Variants in TTC39B observed in about 807,000 individuals in gnomAD.
The protein encoded by TTC39B is tetratricopeptide repeat protein 39B.
Under a neutral mutation model 96.6 loss-of-function variants are expected in TTC39B, and 92 were observed. The ratio of observed to expected loss-of-function variants is 0.95; its 90% CI spans 0.80 to 1.13. The LOEUF is 1.13. Among genes scored for constraint, TTC39B ranks in the 50% most tolerant of loss-of-function variants. The probability of loss-of-function intolerance (pLI) is 0.00; values close to 1 mark genes in which losing one functional copy is unlikely to be tolerated. For synonymous variants in TTC39B, 367 were observed against 299.4 expected, an observed-to-expected ratio of 1.23 and a Z score of -2.33; for missense variants, 955 against 809.3, an observed-to-expected ratio of 1.18 and a Z score of -2.18.
chr9:15,276,750 G>A (rs928727091), intron 1 of TTC39B, among the ~76,000 whole-genome samples: 7 of 152,194 alleles, frequency 4.6e-5, no homozygotes, highest in African/African-American at 1.7e-4. Flanking sequence ...CCCTAGGTGA[G>A]TCCAGCCTTT....
chr9:15,208,732 C>A (rs1820019052), intron 6 of TTC39B, among the ~76,000 whole-genome samples: 1 of 152,132 alleles, frequency 6.6e-6, no homozygotes, highest in African/African-American at 2.4e-5. Context: ...TTCTGTTTGA[C>A]CATGGTTTTG....
Position 15,189,689 on chromosome 9 carries a change from A to G in TTC39B, c.1173+36T>C, listed in dbSNP as rs754874323. Reference sequence around the variant, plus strand: ...AACAGTCAACACTGGCTGATTAATTATGGTTGAAACATACACTTTGAAATA... The same window carrying G: ...AACAGTCAACACTGGCTGATTAATTGTGGTTGAAACATACACTTTGAAATA... On this transcript the variant is annotated intron_variant, in intron 12 of 19. Transcript: ENST00000512701. The G allele has an allele frequency of 1.7e-5, 28 of 1,613,958 alleles. No individual in the cohort carries two copies. The South Asian group carries it at 2.9e-4, about 16-fold the overall frequency.
intron 17 of TTC39B, among the ~76,000 whole-genome samples, chr9:15,181,008 T>C (rs968412845): frequency 5.9e-5 from 9 of 152,256 alleles, no homozygotes; most frequent in African/African-American, 2.2e-4. Context: ...AGCATGTCAT[T>C]AAGAGAAAAA....
chr9:15,238,161 G>A (rs1821874609), intron 2 of TTC39B, among the ~76,000 whole-genome samples: 2 of 152,078 alleles, frequency 1.3e-5, no homozygotes, highest in African/African-American at 2.4e-5. Flanking sequence ...AACATCATAT[G>A]GAATTGGGAA....
At chr9:15,231,206 C>A (rs1821402845) in intron 2 of TTC39B, among the ~76,000 whole-genome samples, 1 of 151,956 alleles carries the variant, frequency 6.6e-6, no homozygotes, top group South Asian at 2.1e-4. Flanking sequence ...AGAAATGGTG[C>A]CTTGCCATCT....
At chr9:15,236,012 G>C (rs763930652) in intron 2 of TTC39B, among the ~76,000 whole-genome samples, 2 of 152,024 alleles carry the variant, frequency 1.3e-5, no homozygotes, top group Non-Finnish European at 2.9e-5. Flanking sequence ...AAAAGATACG[G>C]AGTAGCAAAC....
chr9:15,306,814 G>A lies in TTC39B; in HGVS notation c.240+270C>T, dbSNP rs1358963850. 6.6e-6 allele frequency among the ~76,000 whole-genome samples: 1 copy of A among 152,170 alleles called. No homozygotes were observed. The highest frequency in any genetic ancestry group is 2.4e-5 in the African/African-American group (1 of 41,466). Reference sequence around the variant, plus strand: ...CGCCCTCACGCCCATCCAAGTGCTGGCAGGACGTGGGTCCTCCATCCCCAC... The same window carrying A: ...CGCCCTCACGCCCATCCAAGTGCTGACAGGACGTGGGTCCTCCATCCCCAC... On this transcript the variant is annotated intron_variant, in intron 1 of 19. Transcript: ENST00000512701. This position sits in a 1 kb window ranked among gnomAD's most constrained non-coding sequence, Gnocchi z 5.1.
intron 11 of TTC39B, 109 bp from the exon 12 acceptor site, chr9:15,189,901 G>T (rs1818758817): frequency 4.2e-6 from 3 of 714,404 alleles, no homozygotes; most frequent in Admixed American, 5.0e-5. Context: ...TGGAAAAGAT[G>T]AAAACTATTA....
chr9:15,302,305 G>T (rs568819648), intron 1 of TTC39B, among the ~76,000 whole-genome samples: 1 of 144,536 alleles, frequency 6.9e-6, no homozygotes, highest in Non-Finnish European at 1.5e-5. Context: ...CAGCTTGGGT[G>T]ACCAAGCAAG....
At chr9:15,249,319 A>G (rs971114588) in intron 2 of TTC39B, 1 of 152,222 alleles carries the variant, frequency 6.6e-6, no homozygotes, top group Non-Finnish European at 1.5e-5. Flanking sequence ...TACAAAGGTC[A>G]CTTTTTGGTA....
intron 9 of TTC39B, among the ~76,000 whole-genome samples, chr9:15,192,124 C>T (rs1322292192): frequency 1.3e-5 from 2 of 152,180 alleles, no homozygotes; most frequent in Non-Finnish European, 2.9e-5. Context: ...TATTTTCTCA[C>T]TAATTCCAGT....
chr9:15,200,521 C>G (rs1454400211), intron 7 of TTC39B, among the ~76,000 whole-genome samples: 1 of 152,168 alleles, frequency 6.6e-6, no homozygotes, highest in Admixed American at 6.5e-5. Context: ...TGATTGTCAT[C>G]GACCATAAAA....
At chr9:15,294,826 C>T (rs1247336288) in intron 1 of TTC39B, among the ~76,000 whole-genome samples, 2 of 152,192 alleles carry the variant, frequency 1.3e-5, no homozygotes, top group African/African-American at 2.4e-5. Context: ...CTTGACAATG[C>T]CACAAGCCAA....
chr9:15,236,331 A>C (rs989723797), intron 2 of TTC39B, among the ~76,000 whole-genome samples: 2 of 152,200 alleles, frequency 1.3e-5, no homozygotes, highest in African/African-American at 4.8e-5. Flanking sequence ...AACAAATGCT[A>C]CTAGACCTAA....
chr9:15,288,450 G>C (rs543265554), intron 1 of TTC39B, among the ~76,000 whole-genome samples: 1 of 152,134 alleles, frequency 6.6e-6, no homozygotes, highest in African/African-American at 2.4e-5. Flanking sequence ...TCTGAATGTC[G>C]TCGAGAGGAG....
intron 1 of TTC39B, among the ~76,000 whole-genome samples, chr9:15,273,112 T>G (rs796514157): frequency 2.6e-5 from 4 of 152,260 alleles, no homozygotes; most frequent in African/African-American, 9.6e-5. Flanking sequence ...AACATTTGAG[T>G]GGAAGAGCAG....
At chr9:15,271,598 G>T (rs1461831115) in intron 1 of TTC39B, among the ~76,000 whole-genome samples, 1 of 152,030 alleles carries the variant, frequency 6.6e-6, no homozygotes, top group Non-Finnish European at 1.5e-5. Context: ...TCTAACACGG[G>T]GTGGAGCTGT....
intron 2 of TTC39B, among the ~76,000 whole-genome samples, chr9:15,247,177 C>T (rs1306938904): frequency 6.6e-6 from 1 of 152,100 alleles, no homozygotes; most frequent in African/African-American, 2.4e-5. Context: ...GGATGTGTAG[C>T]TTGGATATAC....
At chr9:15,237,539 G>C (rs1023443056) in intron 2 of TTC39B, among the ~76,000 whole-genome samples, 1 of 151,614 alleles carries the variant, frequency 6.6e-6, no homozygotes, top group Admixed American at 6.6e-5. Context: ...TAGAGGAAAT[G>C]GATAAATTCC....
Sources: allele counts gnomAD v4.1 joint callset (sites outside exome capture counted in the v4.1 genomes callset), GRCh38; gene constraint gnomAD v4.1.1; non-coding constraint Gnocchi (gnomAD v3.1); transcripts MANE v1.5; gene names NCBI Gene and HGNC (gene_info 2026-07-23, HGNC 2026-07-21).